The following SSR2 variants were observed in gnomAD, a reference collection of about 807,000 sequenced individuals.
The protein encoded by SSR2 is signal sequence receptor subunit 2.
In SSR2, 16 loss-of-function variants were observed where a neutral mutation model predicts 22.6. The ratio of observed to expected loss-of-function variants is 0.71; its 90% CI spans 0.48 to 1.08. The LOEUF is 1.08. SSR2 is among the 50% of genes least tolerant of loss of function. The probability of loss-of-function intolerance (pLI) is 0.00; values close to 1 mark genes in which losing one functional copy is unlikely to be tolerated. For synonymous variants in SSR2, 83 were observed against 91.2 expected, an observed-to-expected ratio of 0.91 and a Z score of 0.51; for missense variants, 171 against 221.6, an observed-to-expected ratio of 0.77 and a Z score of 1.45.
intron 2 of SSR2, chr1:156,019,388 CT>C (rs967477750): frequency 0.026 from 5,297 of 203,444 alleles, no homozygotes; most frequent in South Asian, 0.066. Flanking sequence ...GAAAATTACA[CT>C]TTTTTTTTTT....
intron 2 of SSR2, 66 bp from the exon 3 acceptor site, chr1:156,018,434 C>G: frequency 7.5e-7 from 1 of 1,336,776 alleles, no homozygotes. Context: ...AGGCCGGGCG[C>G]CGTGGCTCAC....
At chr1:156,009,711 G>T (rs1269818694) in intron 5 of SSR2, 61 bp from the exon 6 acceptor site, 2 of 1,090,686 alleles carry the variant, frequency 1.8e-6, no homozygotes, top group African/African-American at 1.6e-5. Context: ...AGAAGCCAGG[G>T]AAAATATGAG....
At chr1:156,009,767 A>T in intron 5 of SSR2, 117 bp from the exon 6 acceptor site, 1 of 661,540 alleles carries the variant, frequency 1.5e-6, no homozygotes, top group Non-Finnish European at 2.5e-6. Context: ...TTTATTTTTG[A>T]TACAAAGTCT....
chr1:156,020,266 C>T, intron 1 of SSR2, 99 bp from the exon 2 acceptor site: 1 of 1,289,158 alleles, frequency 7.8e-7, no homozygotes. Flanking sequence ...TCGATGCTAC[C>T]AGAACAGCAG....
At position 156,012,571 on chromosome 1, in the gene SSR2, A is replaced by C. The variant is rs1372044778; in HGVS notation, c.364-684T>G. 2.2e-5 allele frequency: 10 copies of C among 456,206 alleles called. No homozygotes were observed. In the Admixed American group the frequency reaches 2.3e-4, roughly 11 times the overall value. 28.3% of individuals were successfully genotyped at this position (456,206 alleles called of 1,614,324 possible). On this transcript the variant is annotated intron_variant, in intron 4 of 5. Coordinates refer to ENST00000295702, the MANE Select transcript of SSR2 (RefSeq NM_003145.4). ...AAAGAGTCCTGAGGTTGGTTCTGAA[A>C]GCAGAAATGATACCGGATGTGAAAA...
At chr1:156,010,828 T>C (rs1682968328) in intron 5 of SSR2, 1 of 152,322 alleles carries the variant, frequency 6.6e-6, no homozygotes, top group Non-Finnish European at 1.5e-5. Flanking sequence ...AATCACACCA[T>C]GCTTTTCTCA....
intron 1 of SSR2, 28 bp from the exon 2 acceptor site, chr1:156,020,195 T>C: frequency 6.2e-7 from 1 of 1,611,702 alleles, no homozygotes. Flanking sequence ...AAGTGAGTTA[T>C]CAAACCAAGT....
At chr1:156,012,637 GA>G (rs925960636) in intron 4 of SSR2, 1 of 448,228 alleles carries the variant, frequency 2.2e-6, no homozygotes, top group Non-Finnish European at 4.5e-6. Context: ...TGTAGTTTAT[GA>G]AAAACGAAAA....
rs1237904162 is a variant in SSR2, at chr1:156,020,075, G to GTTCAGCAGTGA, written c.82_92dup (p.Arg32HisfsTer3). 2.5e-6 allele frequency: 4 copies of GTTCAGCAGTGA among 1,614,004 alleles called. No homozygotes were observed. In the Admixed American group the frequency reaches 6.7e-5, roughly 27 times the overall value. On this transcript the variant is annotated stop_gained and frameshift_variant, in exon 2 of 6. Transcript: ENST00000295702. LOFTEE classifies it high-confidence loss of function. The stretch of plus-strand genomic sequence containing the variant: ...GGTCTCGTCCCTCCACGGCGTATCT[G>GTTCAGCAGTGA]TTCAGCAGTGATTTGGAAGCCAAAA...
At chr1:156,014,569 T>C (rs1683024114) in intron 4 of SSR2, 3 of 166,364 alleles carry the variant, frequency 1.8e-5, no homozygotes, top group Non-Finnish European at 3.9e-5. Flanking sequence ...TGAGACGGAG[T>C]CTCACTCTGT....
At chr1:156,010,242 A>C (rs938229696) in intron 5 of SSR2, 1 of 151,780 alleles carries the variant, frequency 6.6e-6, no homozygotes, top group Non-Finnish European at 1.5e-5. Flanking sequence ...TTTTTTGTAG[A>C]GGCAAAATAT....
chr1:156,017,738 G>GTTTT, intron 3 of SSR2, among the ~76,000 whole-genome samples: 1 of 40,700 alleles, frequency 2.5e-5, no homozygotes, highest in South Asian at 1.1e-3. Context: ...GTATGTTTCA[G>GTTTT]GTTTTTTTTT....
intron 3 of SSR2, among the ~76,000 whole-genome samples, chr1:156,017,506 C>T (rs182334011): frequency 1.3e-3 from 203 of 151,726 alleles, no homozygotes; most frequent in African/African-American, 4.6e-3. Flanking sequence ...CCCGCCACTG[C>T]GCCTGGCTAA....
At chr1:156,019,855 C>G (rs1223617952) in intron 2 of SSR2, among the ~76,000 whole-genome samples, 158 bp downstream of exon 2, 2 of 152,314 alleles carry the variant, frequency 1.3e-5, no homozygotes, top group East Asian at 3.9e-4. Context: ...GTCCTCCTTT[C>G]CAAAAGTAGA....
At chr1:156,020,242 C>T (rs773247311) in intron 1 of SSR2, 75 bp from the exon 2 acceptor site, 1 of 1,530,074 alleles carries the variant, frequency 6.5e-7, no homozygotes, top group Non-Finnish European at 8.9e-7. Context: ...ACAGCGCTCC[C>T]GTAGAAAGCT....
chr1:156,017,977 T>C (rs1203815485), intron 3 of SSR2, among the ~76,000 whole-genome samples: 3 of 151,510 alleles, frequency 2.0e-5, no homozygotes, highest in Admixed American at 6.6e-5. Context: ...CTCAATCTCT[T>C]GACCTTATGA....
At chr1:156,009,956 T>C (rs1682956858) in intron 5 of SSR2, among the ~76,000 whole-genome samples, 1 of 152,096 alleles carries the variant, frequency 6.6e-6, no homozygotes, top group Non-Finnish European at 1.5e-5. Flanking sequence ...GTATCTTTAG[T>C]AGAGACTGGG....
chr1:156,016,474 G>C (rs1257961505), intron 3 of SSR2, among the ~76,000 whole-genome samples: 1 of 151,722 alleles, frequency 6.6e-6, no homozygotes, highest in African/African-American at 2.4e-5. Context: ...CTGACCTCGT[G>C]ATCCACCCGC....
At chr1:156,020,644 A>G (rs1408294792) in intron 1 of SSR2, 1 of 327,736 alleles carries the variant, frequency 3.1e-6, no homozygotes, top group African/African-American at 2.4e-5. Context: ...CCCACTCTCC[A>G]GTCCAGCCCC....
Sources: gnomAD v4.1 joint callset for allele counts (sites outside exome capture counted in the v4.1 genomes callset) on GRCh38, gnomAD v4.1.1 for gene constraint, MANE v1.5 for transcripts, NCBI Gene and HGNC (gene_info 2026-07-23, HGNC 2026-07-21) for gene names.